Variants in PTPN22 observed in about 807,000 individuals in gnomAD.
PTPN22 encodes tyrosine-protein phosphatase non-receptor type 22.
In PTPN22, 85 loss-of-function variants were observed where a neutral mutation model predicts 103.3. The observed-to-expected ratio is 0.82, with a 90% CI of 0.69 to 0.99. The LOEUF is 0.99. Among genes scored for constraint, PTPN22 ranks in the 50% least tolerant of loss-of-function variants. PTPN22 has a pLI of 0.00. For missense variants in PTPN22, 865 were observed against 936.9 expected (o/e 0.92, Z 1.00); for synonymous variants, 323 against 310.2 (o/e 1.04, Z -0.43).
chr1:113,859,586 G>T, intron 1 of PTPN22, 126 bp from the exon 2 acceptor site: 1 of 748,386 alleles, frequency 1.3e-6, no homozygotes, highest in Non-Finnish European at 2.2e-6. Flanking sequence ...TTCTGGTTCT[G>T]ACTCCGTTCA....
chr1:113,834,852 G>A, intron 14 of PTPN22, 58 bp downstream of exon 14: 1 of 1,330,100 alleles, frequency 7.5e-7, no homozygotes, highest in Non-Finnish European at 1.0e-6. Flanking sequence ...TGGAATTAAA[G>A]GCATGAGCCA....
chr1:113,828,601 G>A lies in PTPN22; in HGVS notation c.2250+991C>T, dbSNP rs190907618. ...ATTTCAGAACTTTCCCTTTTACTCT[G>A]CTCGTATATGTTTCTTTTTATACAC... On this transcript the variant is annotated intron_variant, in intron 18 of 20. Coordinates refer to ENST00000359785, the Ensembl canonical transcript of PTPN22. Among the ~76,000 whole-genome samples the A allele has an allele frequency of 6.3e-4, 95 of 151,968 alleles. 1 individual carries two copies. Among genetic ancestry groups the A allele is most frequent in the African/African-American group, 2.1e-3 (87 of 41,448 alleles).
At chr1:113,817,807 A>G (rs1661283400) in intron 20 of PTPN22, among the ~76,000 whole-genome samples, 1 of 152,054 alleles carries the variant, frequency 6.6e-6, no homozygotes, top group Non-Finnish European at 1.5e-5. Context: ...GCAGCTCTCT[A>G]ATATTTTATC....
chr1:113,841,260 C>T (rs532578613), intron 11 of PTPN22, among the ~76,000 whole-genome samples: 1 of 151,962 alleles, frequency 6.6e-6, no homozygotes, highest in East Asian at 1.9e-4. Context: ...TGAAGTTGGA[C>T]CCTTATCTTA....
At chr1:113,831,403 C>A (rs1160140975) in intron 16 of PTPN22, among the ~76,000 whole-genome samples, 1 of 152,168 alleles carries the variant, frequency 6.6e-6, no homozygotes, top group African/African-American at 2.4e-5. Context: ...TTATTTTCCT[C>A]TTTCCCCCAG....
intron 19 of PTPN22, among the ~76,000 whole-genome samples, chr1:113,822,735 G>A (rs964090482): frequency 9.9e-5 from 15 of 152,174 alleles, no homozygotes; most frequent in African/African-American, 3.1e-4. Flanking sequence ...GCCGAGGTGG[G>A]TGGATCATAA....
At position 113,856,024 on chromosome 1, in the gene PTPN22, T is replaced by A. The variant is rs140223519; in HGVS notation, c.540+358A>T. ...TAACAATGGTCTCTTCTTTTTTTCT[T>A]CTTCTTTGAGACACAGTCTTGCTCT... On this transcript the variant is annotated intron_variant, in intron 7 of 20. Coordinates refer to ENST00000359785, the Ensembl canonical transcript of PTPN22. Among the ~76,000 whole-genome samples the A allele has an allele frequency of 1.9e-3, 293 of 152,298 alleles. 3 individuals are homozygous for A. Among genetic ancestry groups the A allele is most frequent in the African/African-American group, 6.9e-3 (285 of 41,560 alleles).
chr1:113,819,836 T>C (rs1661446008), intron 19 of PTPN22, 182 bp from the exon 20 acceptor site: 1 of 378,092 alleles, frequency 2.6e-6, no homozygotes, highest in African/African-American at 2.1e-5. Context: ...ATTTGTATTT[T>C]TGGTTTTTTT....
At chr1:113,863,986 T>G (rs1177855096) in intron 1 of PTPN22, among the ~76,000 whole-genome samples, 1 of 150,528 alleles carries the variant, frequency 6.6e-6, no homozygotes, top group Non-Finnish European at 1.5e-5. Context: ...TGGCGCGATC[T>G]CGGCTCACTG....
chr1:113,847,961 C>T (rs1301596359), intron 11 of PTPN22, among the ~76,000 whole-genome samples: 1 of 152,024 alleles, frequency 6.6e-6, no homozygotes, highest in Non-Finnish European at 1.5e-5. Flanking sequence ...TCTCAAACTC[C>T]TAGGCTTGAA....
In PTPN22 at chr1:113,859,043, A is replaced by C. The variant is rs1665337392; in HGVS notation, c.232T>G (p.Ser78Ala). Residue 78 changes from serine (S) to alanine (A), a missense_variant, in exon 3 of 21, where the codon TCT becomes GCT. This residue lies in a region of PTPN22 where 457 missense variants were observed against 529.1 expected (regional missense o/e 0.86). Coordinates refer to ENST00000359785, the Ensembl canonical transcript of PTPN22. The stretch of plus-strand genomic sequence containing the variant: ...TTGATGTAGCTGGAATCCTCATCAG[A>C]GGTTATCAGGGATAGTTCTACCCGG... 3 of 1,613,974 alleles carry C rather than the reference A, an allele frequency of 1.9e-6. No homozygotes were observed. The South Asian group carries it at 3.3e-5, about 18-fold the overall frequency.
chr1:113,838,743 GAGTT>G (rs1663253004), intron 11 of PTPN22, 123 bp from the exon 12 acceptor site: 27 of 1,401,488 alleles, frequency 1.9e-5, no homozygotes, highest in Non-Finnish European at 2.5e-5. Flanking sequence ...ATTCATGAAA[GAGTT>G]AGATTAGCTT....
Position 113,829,537 on chromosome 1 carries a change from A to G in PTPN22, c.2250+55T>C. The G allele has an allele frequency of 4.1e-6, 4 of 972,174 alleles. No individual in the cohort carries two copies. The South Asian group carries it at 7.3e-5, about 18-fold the overall frequency. 60.2% of individuals were successfully genotyped at this position (972,174 alleles called of 1,614,324 possible). Reference sequence around the variant, plus strand: ...CCATCTTAATGCTGGGGAGGGGGAAACTTTCAGTAAGGGAAAGTTTCCGGC... The same window carrying G: ...CCATCTTAATGCTGGGGAGGGGGAAGCTTTCAGTAAGGGAAAGTTTCCGGC... On this transcript the variant is annotated intron_variant, in intron 18 of 20. Transcript: ENST00000359785.
intron 18 of PTPN22, among the ~76,000 whole-genome samples, chr1:113,827,821 T>A (rs1159145571): frequency 6.7e-6 from 1 of 150,190 alleles, no homozygotes; most frequent in Non-Finnish European, 1.5e-5. Context: ...ATCTCTAATT[T>A]AAAAAAAAAA....
At chr1:113,815,727 G>A (rs1462403725) in intron 20 of PTPN22, among the ~76,000 whole-genome samples, 1 of 152,198 alleles carries the variant, frequency 6.6e-6, no homozygotes, top group Non-Finnish European at 1.5e-5. Context: ...CGCCCAGGCT[G>A]GAGTGCAGTG....
At chr1:113,826,742 T>C (rs1173063451) in intron 18 of PTPN22, among the ~76,000 whole-genome samples, 1 of 130,666 alleles carries the variant, frequency 7.7e-6, no homozygotes, top group East Asian at 2.4e-4. Context: ...GGATCTCGGC[T>C]CACTGCAAGC....
At chr1:113,858,964 A>T (rs1304486943) in intron 3 of PTPN22, 38 bp downstream of exon 3, 1 of 1,598,598 alleles carries the variant, frequency 6.3e-7, no homozygotes, top group Admixed American at 1.7e-5. Flanking sequence ...TTGGGTATCT[A>T]GAGAAATATG....
chr1:113,838,528 A>C lies in PTPN22; in HGVS notation c.992+16T>G. On this transcript the variant is annotated intron_variant, in intron 12 of 20. Transcript: ENST00000359785. Reference sequence around the variant, plus strand: ...ACACAATTAGTCAACATTTAGATATATAAAATTGTACTCACCTTTTTGGTA... The same window carrying C: ...ACACAATTAGTCAACATTTAGATATCTAAAATTGTACTCACCTTTTTGGTA... 1 of 1,609,516 alleles carries C rather than the reference A, an allele frequency of 6.2e-7. No homozygotes were observed. The highest frequency in any genetic ancestry group is 8.5e-7 in the Non-Finnish European group (1 of 1,178,844).
intron 20 of PTPN22, among the ~76,000 whole-genome samples, chr1:113,817,089 G>A (rs906471696): frequency 2.6e-5 from 4 of 152,110 alleles, no homozygotes; most frequent in Admixed American, 6.5e-5. Flanking sequence ...TTACTCTTCC[G>A]AGTGGCAAGA....
Sources: allele counts gnomAD v4.1 joint callset (sites outside exome capture counted in the v4.1 genomes callset), GRCh38; gene constraint gnomAD v4.1.1; regional missense constraint gnomAD v4.1.1; transcripts MANE v1.5; gene names NCBI Gene and HGNC (gene_info 2026-07-23, HGNC 2026-07-21).